Variants in FZD3 observed in about 807,000 individuals in gnomAD.
The protein encoded by FZD3 is frizzled class receptor 3, also known as frizzled-3.
FZD3 carries 30 observed loss-of-function variants against 60.7 expected under a neutral mutation model. The ratio of observed to expected loss-of-function variants is 0.49; its 90% confidence interval spans 0.37 to 0.67. FZD3 has a LOEUF of 0.67. Ranked by LOEUF, FZD3 falls within the 30% of genes least tolerant of loss-of-function variation. FZD3 has a pLI of 0.00. For synonymous variants in FZD3, 246 were observed against 275.2 expected (o/e 0.89, Z 1.05); for missense variants, 605 against 838.7 (o/e 0.72, Z 3.44).
intron 7 of FZD3, among the ~76,000 whole-genome samples, chr8:28,558,440 T>A (rs940854500): frequency 1.7e-4 from 25 of 148,442 alleles, no homozygotes; most frequent in East Asian, 3.9e-4. Context: ...TTATTTATTT[T>A]TTTTTTTTGA....
chr8:28,521,066 TAATC>T (rs1193464085), intron 4 of FZD3, among the ~76,000 whole-genome samples: 1 of 152,194 alleles, frequency 6.6e-6, no homozygotes. Context: ...AAGAATTACA[TAATC>T]AAGACAGTTG....
chr8:28,521,605 C>T (rs1804581040), intron 4 of FZD3, among the ~76,000 whole-genome samples: 1 of 152,092 alleles, frequency 6.6e-6, no homozygotes, highest in Non-Finnish European at 1.5e-5. Flanking sequence ...TTATTATCTT[C>T]TTTCCCCCCA....
At chr8:28,537,922 G>T (rs949057499) in intron 5 of FZD3, among the ~76,000 whole-genome samples, 1 of 151,950 alleles carries the variant, frequency 6.6e-6, no homozygotes, top group Non-Finnish European at 1.5e-5. Context: ...TTCAAGACTA[G>T]CCTGACCAAT....
intron 3 of FZD3, 133 bp downstream of exon 3, chr8:28,503,335 A>G (rs1804049292): frequency 1.9e-6 from 1 of 516,298 alleles, no homozygotes; most frequent in Admixed American, 3.6e-5. Flanking sequence ...TATAAATTTA[A>G]AAATGTATAT....
In FZD3 at chr8:28,527,275, A is replaced by G. The variant is rs1420351943; in HGVS notation, c.515A>G (p.Asp172Gly). 3.1e-6 allele frequency: 5 copies of G among 1,613,954 alleles called. No homozygotes were observed. The highest frequency in any genetic ancestry group is 1.7e-5 in the Admixed American group (1 of 59,998). The change falls in exon 5 of 8, where the codon GAT becomes GGT. Residue 172 changes from aspartate to glycine, a missense_variant. Physicochemically the swap from Asp to Gly is moderately conservative, Grantham distance 94. Transcript: ENST00000240093. The surrounding 1 kb of genome is among the most constrained non-coding windows in gnomAD (Gnocchi z 5.0). ...TGGTGTCCCCGAGAGTTAAAAATTG[A>G]TCCTGATCTGGGTTATTCTTTTCTG... ...GFWCPRELKIDPDLGYSFLHV... is the reference protein window; with the variant it reads ...GFWCPRELKIGPDLGYSFLHV...
At position 28,566,133 on chromosome 8, in the gene FZD3, C is replaced by G. The variant is rs1805701206; in HGVS notation, c.*3122C>G. On this transcript the variant is annotated 3_prime_UTR_variant, in exon 8 of 8. Coordinates refer to ENST00000240093, the MANE Select transcript of FZD3 (RefSeq NM_017412.4). ...TGAACAATTCATGTCACACAACTTG[C>G]TTTTACCCTAGTACTGAGTCTCACA... 1 of 152,106 alleles carries G rather than the reference C, an allele frequency of 6.6e-6. No individual in the cohort carries two copies. Among genetic ancestry groups the G allele is most frequent in the South Asian group, 2.1e-4 (1 of 4,828 alleles). 9.4% of individuals were successfully genotyped at this position (152,106 alleles called of 1,614,324 possible).
rs111866274 is a variant in FZD3 at position 28,545,146 on chromosome 8, C to A, written c.1405-6457C>A. On this transcript the variant is annotated intron_variant, in intron 5 of 7. Transcript: ENST00000240093. ...GTGAGTTATGGAGGGGACAAACATT[C>A]CAACCATATGTAGCAACCACTATGG... 9.2e-3 allele frequency among the ~76,000 whole-genome samples: 1,395 copies of A among 152,302 alleles called. 24 individuals are homozygous for A. The highest frequency in any genetic ancestry group is 0.031 in the African/African-American group (1,308 of 41,578).
At chr8:28,542,808 A>G (rs1805201478) in intron 5 of FZD3, among the ~76,000 whole-genome samples, 2 of 152,194 alleles carry the variant, frequency 1.3e-5, no homozygotes, top group South Asian at 4.1e-4. Flanking sequence ...TCTACAGTGT[A>G]AGTTCAACAA....
intron 7 of FZD3, among the ~76,000 whole-genome samples, chr8:28,559,069 A>AG (rs1194161855): frequency 1.3e-5 from 2 of 152,252 alleles, no homozygotes; most frequent in African/African-American, 4.8e-5. Flanking sequence ...AGTATCTTAA[A>AG]GGAGATACGT....
In FZD3 at chr8:28,562,947, T is replaced by C; in HGVS notation, c.1937T>C (p.Met646Thr). The change falls in exon 8 of 8, where the codon ATG becomes ACG. Residue 646 changes from methionine to threonine, a missense_variant. Transcript: ENST00000240093. ...ATCAGAGATCTCAGTAATAATCCCA[T>C]GACTCATATCACACATGGCACCAGC... ...SSIRDLSNNP[M>T]THITHGTSMN... is the part of the protein sequence containing the mutation. 6.2e-7 allele frequency: 1 copy of C among 1,613,740 alleles called. No individual in the cohort carries two copies. The highest frequency in any genetic ancestry group is 8.5e-7 in the Non-Finnish European group (1 of 1,179,620).
intron 3 of FZD3, among the ~76,000 whole-genome samples, chr8:28,519,614 C>T (rs1804519463): frequency 6.6e-6 from 1 of 151,650 alleles, no homozygotes; most frequent in Non-Finnish European, 1.5e-5. Context: ...CCTGTAGTCC[C>T]AGCTACTCAG....
chr8:28,526,960 T>C (rs1804729365), intron 4 of FZD3, among the ~76,000 whole-genome samples, 187 bp from the exon 5 acceptor site: 1 of 152,170 alleles, frequency 6.6e-6, no homozygotes, highest in African/African-American at 2.4e-5. Context: ...TATTTTTTGC[T>C]CAACTGTCGA....
chr8:28,517,403 C>G (rs1037851815), intron 3 of FZD3, among the ~76,000 whole-genome samples: 13 of 152,146 alleles, frequency 8.5e-5, no homozygotes, highest in Non-Finnish European at 1.8e-4. Flanking sequence ...ATACGCCTAG[C>G]TGAGGTTTTC....
chr8:28,519,851 C>T (rs1283065666), intron 3 of FZD3, among the ~76,000 whole-genome samples: 2 of 152,038 alleles, frequency 1.3e-5, no homozygotes, highest in African/African-American at 4.8e-5. Context: ...CAGTTTTTCT[C>T]CCATTACTGG....
At chr8:28,556,059 A>G in intron 7 of FZD3, 88 bp downstream of exon 7, 1 of 847,320 alleles carries the variant, frequency 1.2e-6, no homozygotes, top group Non-Finnish European at 1.9e-6. Context: ...TCTGAAATAG[A>G]AGTCGAACAT....
At chr8:28,543,538 G>T (rs540537459) in intron 5 of FZD3, among the ~76,000 whole-genome samples, 3 of 151,970 alleles carry the variant, frequency 2.0e-5, no homozygotes, top group Non-Finnish European at 4.4e-5. Context: ...CTGCCACCAC[G>T]CCTGGCTAAT....
At position 28,565,550 on chromosome 8, in the gene FZD3, C is replaced by A. The variant is rs1805691354; in HGVS notation, c.*2539C>A. ...AACTGCCAAAATGTTAATTGGTTTTCTTTTACAAGTGGGCCAAGTATAGAC... is the reference window on the plus strand; with the variant it reads ...AACTGCCAAAATGTTAATTGGTTTTATTTTACAAGTGGGCCAAGTATAGAC... On this transcript the variant is annotated 3_prime_UTR_variant, in exon 8 of 8. Coordinates refer to ENST00000240093, the MANE Select transcript of FZD3 (RefSeq NM_017412.4). 6.6e-6 allele frequency: 1 copy of A among 152,122 alleles called. No individual in the cohort carries two copies. The highest frequency in any genetic ancestry group is 1.5e-5 in the Non-Finnish European group (1 of 67,994). 9.4% of individuals were successfully genotyped at this position (152,122 alleles called of 1,614,324 possible).
chr8:28,544,946 T>C (rs1451941982), intron 5 of FZD3, among the ~76,000 whole-genome samples: 1 of 152,208 alleles, frequency 6.6e-6, no homozygotes, highest in Non-Finnish European at 1.5e-5. Flanking sequence ...TGCAGGGCGT[T>C]ACGTAGCGAG....
chr8:28,541,062 TA>T (rs1805153831), intron 5 of FZD3, among the ~76,000 whole-genome samples: 1 of 152,232 alleles, frequency 6.6e-6, no homozygotes, highest in South Asian at 2.1e-4. Context: ...CTAGCTAGTA[TA>T]TGGCCTGTTT....
Sources: gnomAD v4.1 joint callset for allele counts (sites outside exome capture counted in the v4.1 genomes callset) on GRCh38, gnomAD v4.1.1 for gene constraint, Gnocchi (gnomAD v3.1) non-coding constraint, MANE v1.5 for transcripts, NCBI Gene and HGNC (gene_info 2026-07-23, HGNC 2026-07-21) for gene names.